CEP57L1: variants seen among roughly 807,000 people sequenced by gnomAD.
CEP57L1 encodes centrosomal protein 57 like 1, also known as centrosomal protein CEP57L1.
Under a neutral mutation model 61.0 loss-of-function variants are expected in CEP57L1, and 37 were observed. That is an observed-to-expected ratio of 0.61 (90% CI 0.47 to 0.80). The LOEUF (loss-of-function observed/expected upper bound fraction) is 0.80. Among genes scored for constraint, CEP57L1 ranks in the 30% least tolerant of loss-of-function variants. CEP57L1 has a pLI of 0.00. For synonymous variants in CEP57L1, 137 were observed against 162.3 expected, an observed-to-expected ratio of 0.84 and a Z score of 1.19; for missense variants, 422 against 524.7, an observed-to-expected ratio of 0.80 and a Z score of 1.91.
At chr6:109,095,408 T>C (rs1781563806), upstream of CEP57L1, 3 of 985,734 alleles carry the variant, frequency 3.0e-6, no homozygotes, top group South Asian at 1.4e-4. Context: ...CAGATTTAAG[T>C]CGGTAGGACG....
At position 109,109,234 on chromosome 6, in the gene CEP57L1, A is replaced by G. The variant is rs79608889; in HGVS notation, c.-4+13659A>G. ...TGTGGAATGCTAATCTCTTAAGAGTATTCACCAAAAAGGTTTCTGTTGTAC... is the reference window on the plus strand; with the variant it reads ...TGTGGAATGCTAATCTCTTAAGAGTGTTCACCAAAAAGGTTTCTGTTGTAC... On this transcript the variant is annotated intron_variant, in intron 1 of 10. Transcript: ENST00000517392. 8.3e-3 allele frequency among the ~76,000 whole-genome samples: 1,260 copies of G among 152,340 alleles called. 24 individuals carry two copies. Among genetic ancestry groups the G allele is most frequent in the African/African-American group, 0.029 (1,213 of 41,580 alleles).
At chr6:109,149,612 G>C (rs1168649626) in intron 3 of CEP57L1, among the ~76,000 whole-genome samples, 1 of 151,746 alleles carries the variant, frequency 6.6e-6, no homozygotes, top group Non-Finnish European at 1.5e-5. Context: ...GCTCTTTTTT[G>C]GTTCCATATG....
At position 109,172,629 on chromosome 6, in the gene CEP57L1, C is replaced by G. The variant is rs1774455765; in HGVS notation, c.*9659C>G. On this transcript the variant is annotated 3_prime_UTR_variant, in exon 11 of 11. Coordinates refer to ENST00000517392, the MANE Select transcript of CEP57L1 (RefSeq NM_001271852.3). The stretch of plus-strand genomic sequence containing the variant: ...ACCCAAAAGTGATGTGCATTGCTTA[C>G]CTATCATGGCCTCTGGTTAAGGTGT... 6.6e-6 allele frequency among the ~76,000 whole-genome samples: 1 copy of G among 152,150 alleles called. No homozygotes were observed. The highest frequency in any genetic ancestry group is 1.5e-5 in the Non-Finnish European group (1 of 68,032).
chr6:109,134,507 C>T lies in CEP57L1; in HGVS notation c.-3-10712C>T, dbSNP rs555332191. On this transcript the variant is annotated intron_variant, in intron 1 of 10. Coordinates refer to ENST00000517392, the MANE Select transcript of CEP57L1 (RefSeq NM_001271852.3). ...ATGCCCTTTGAAAACTGGCACAAGACAGGGATGCCCTCTGTCACCACTCCT... is the reference window on the plus strand; with the variant it reads ...ATGCCCTTTGAAAACTGGCACAAGATAGGGATGCCCTCTGTCACCACTCCT... Among the ~76,000 whole-genome samples the T allele has an allele frequency of 4.6e-5, 7 of 152,292 alleles. No individual in the cohort carries two copies. In the South Asian group the frequency reaches 1.4e-3, roughly 32 times the overall value.
At chr6:109,132,546 C>T (rs945776964) in intron 1 of CEP57L1, among the ~76,000 whole-genome samples, 6 of 152,144 alleles carry the variant, frequency 3.9e-5, no homozygotes, top group African/African-American at 1.4e-4. Flanking sequence ...ACAAATAGTG[C>T]TGCTACAAAT....
intron 1 of CEP57L1, among the ~76,000 whole-genome samples, chr6:109,115,011 C>T (rs933798739): frequency 1.3e-5 from 2 of 151,772 alleles, no homozygotes; most frequent in African/African-American, 4.8e-5. Flanking sequence ...AATAAAAATA[C>T]AAAATGTAAA....
intron 1 of CEP57L1, among the ~76,000 whole-genome samples, chr6:109,128,679 T>C (rs2114745546): frequency 6.6e-6 from 1 of 152,306 alleles, no homozygotes; most frequent in African/African-American, 2.4e-5. Context: ...CCTTATGCAT[T>C]TTTAGCCTGT....
intron 1 of CEP57L1, among the ~76,000 whole-genome samples, chr6:109,103,150 T>G (rs1770523371): frequency 6.6e-6 from 1 of 152,208 alleles, no homozygotes; most frequent in African/African-American, 2.4e-5. Flanking sequence ...AATGAAACAC[T>G]GAAGCCATGT....
intron 1 of CEP57L1, among the ~76,000 whole-genome samples, chr6:109,121,974 T>C (rs1398330310): frequency 6.6e-6 from 1 of 152,226 alleles, no homozygotes; most frequent in Non-Finnish European, 1.5e-5. Flanking sequence ...ATGCATTCTA[T>C]CTACTGTATT....
At chr6:109,125,564 C>CG (rs1265774972) in intron 1 of CEP57L1, among the ~76,000 whole-genome samples, 2 of 146,388 alleles carry the variant, frequency 1.4e-5, no homozygotes, top group African/African-American at 2.6e-5. Context: ...TCTGTCTTTA[C>CG]TAAGTTTACC....
rs1469358188 is a variant in CEP57L1 at position 109,169,493 on chromosome 6, T to C, written c.*6523T>C. ...TATTGTTTATCCCAGAAATATTGTT[T>C]CATGTGTTTTACAGATAACAAGTCT... is the stretch of plus-strand genomic sequence containing the variant. On this transcript the variant is annotated 3_prime_UTR_variant, in exon 11 of 11. Coordinates refer to ENST00000517392, the MANE Select transcript of CEP57L1 (RefSeq NM_001271852.3). 6.6e-6 allele frequency among the ~76,000 whole-genome samples: 1 copy of C among 152,184 alleles called. No homozygotes were observed. The highest frequency in any genetic ancestry group is 1.5e-5 in the Non-Finnish European group (1 of 68,030).
chr6:109,101,955 A>G (rs1481590764), intron 1 of CEP57L1, among the ~76,000 whole-genome samples: 2 of 151,928 alleles, frequency 1.3e-5, no homozygotes, highest in African/African-American at 2.4e-5. Context: ...ACCATTTTCT[A>G]TTTCCCACCA....
intron 10 of CEP57L1, 31 bp downstream of exon 10, chr6:109,160,747 A>G: frequency 6.4e-7 from 1 of 1,564,046 alleles, no homozygotes. Flanking sequence ...GATTTTAATA[A>G]AAACACAAAA....
Position 109,162,767 on chromosome 6 carries a change from A to G in CEP57L1, c.1180A>G (p.Lys394Glu). ...TCTCCAGGTCTGTAAACTGCAGCAAAAAGTTCAAAACTCAAAGATGAGTGA... is the reference window on the plus strand; with the variant it reads ...TCTCCAGGTCTGTAAACTGCAGCAAGAAGTTCAAAACTCAAAGATGAGTGA... ...HQDSVCKLQQ[K>E]VQNSKMSEAS... is the part of the protein sequence containing the mutation. The change falls in exon 11 of 11, where the codon AAA becomes GAA. Residue 394 changes from lysine (K) to glutamate (E), a missense_variant. Coordinates refer to ENST00000517392, the MANE Select transcript of CEP57L1 (RefSeq NM_001271852.3). The G allele has an allele frequency of 6.2e-7, 1 of 1,612,850 alleles. No individual in the cohort carries two copies. Among genetic ancestry groups the G allele is most frequent in the Non-Finnish European group, 8.5e-7 (1 of 1,179,330 alleles).
At chr6:109,124,683 T>A (rs1483985843) in intron 1 of CEP57L1, among the ~76,000 whole-genome samples, 2 of 152,218 alleles carry the variant, frequency 1.3e-5, no homozygotes, top group African/African-American at 4.8e-5. Context: ...GTGAACTTGA[T>A]CTTTTCTTCT....
chr6:109,125,703 G>C (rs1270561215), intron 1 of CEP57L1, among the ~76,000 whole-genome samples: 1 of 147,632 alleles, frequency 6.8e-6, no homozygotes, highest in East Asian at 1.9e-4. Context: ...AACCTGTCTT[G>C]ACTGATTGAT....
At chr6:109,118,679 T>C (rs1772592262) in intron 1 of CEP57L1, among the ~76,000 whole-genome samples, 2 of 152,238 alleles carry the variant, frequency 1.3e-5, no homozygotes, top group South Asian at 2.1e-4. Flanking sequence ...AGCAATGTTA[T>C]GACAAACCCG....
At chr6:109,157,186 A>C (rs1773297420) in intron 7 of CEP57L1, 1 of 152,202 alleles carries the variant, frequency 6.6e-6, no homozygotes, top group Admixed American at 6.5e-5. Flanking sequence ...TACTTAGTTC[A>C]AATCCCAAGT....
Position 109,110,424 on chromosome 6 carries a change from A to G in CEP57L1, c.-4+14849A>G, listed in dbSNP as rs530336157. 2.0e-5 allele frequency among the ~76,000 whole-genome samples: 3 copies of G among 150,734 alleles called. No homozygotes were observed. In the South Asian group the frequency reaches 6.3e-4, roughly 31 times the overall value. ...TCTTGTAAATCTAAGTTCTTTGTAGATGGATAGTCAGATGGATAGACTGCA... is the reference window on the plus strand; with the variant it reads ...TCTTGTAAATCTAAGTTCTTTGTAGGTGGATAGTCAGATGGATAGACTGCA... On this transcript the variant is annotated intron_variant, in intron 1 of 10. Transcript: ENST00000517392.
Sources: allele counts gnomAD v4.1 joint callset (sites outside exome capture counted in the v4.1 genomes callset), GRCh38; gene constraint gnomAD v4.1.1; transcripts MANE v1.5; gene names NCBI Gene and HGNC (gene_info 2026-07-23, HGNC 2026-07-21).